Variants in ZNF391 observed in about 807,000 individuals in gnomAD.
The protein encoded by ZNF391 is zinc finger protein 391.
For missense variants in ZNF391, 375 were observed against 425.5 expected (o/e 0.88, Z 1.04); for synonymous variants, 126 against 142.1 (o/e 0.89, Z 0.80).
upstream of ZNF391, among the ~76,000 whole-genome samples, chr6:27,384,792 C>G (rs991595436): frequency 1.3e-5 from 2 of 152,044 alleles, no homozygotes; most frequent in African/African-American, 4.8e-5. Flanking sequence ...CCGAGGCAGG[C>G]AGACCACCTG....
At chr6:27,393,979 G>A (rs1364139240) in intron 1 of ZNF391, among the ~76,000 whole-genome samples, 4 of 152,120 alleles carry the variant, frequency 2.6e-5, no homozygotes, top group Non-Finnish European at 5.9e-5. Flanking sequence ...CAGTCTATCT[G>A]TCCTCAGATG....
At chr6:27,384,644 C>A (rs1761558788), upstream of ZNF391, among the ~76,000 whole-genome samples, 1 of 152,042 alleles carries the variant, frequency 6.6e-6, no homozygotes, top group African/African-American at 2.4e-5. Flanking sequence ...ATTACATATA[C>A]ACACACTGTT....
intron 1 of ZNF391, among the ~76,000 whole-genome samples, chr6:27,378,978 T>C (rs1314751129): frequency 6.6e-6 from 1 of 152,098 alleles, no homozygotes; most frequent in East Asian, 1.9e-4. Context: ...ATATGAATCA[T>C]AGATTCTACA....
At chr6:27,397,752 C>G (rs908183984) in intron 1 of ZNF391, among the ~76,000 whole-genome samples, 3 of 152,156 alleles carry the variant, frequency 2.0e-5, no homozygotes, top group South Asian at 2.1e-4. Flanking sequence ...GCCTCACCCC[C>G]CCAAGTAGCT....
chr6:27,380,568 A>G (rs746826029), intron 1 of ZNF391, among the ~76,000 whole-genome samples: 1 of 152,228 alleles, frequency 6.6e-6, no homozygotes, highest in African/African-American at 2.4e-5. Flanking sequence ...AGGGGTTGCC[A>G]CTGCTGGCTC....
upstream of ZNF391, among the ~76,000 whole-genome samples, chr6:27,384,642 T>TAC (rs1333423531): frequency 6.6e-6 from 1 of 152,168 alleles, no homozygotes; most frequent in African/African-American, 2.4e-5. Flanking sequence ...CAATTACATA[T>TAC]ACACACACTG....
chr6:27,380,273 T>C (rs1761477104), intron 1 of ZNF391, among the ~76,000 whole-genome samples: 1 of 151,948 alleles, frequency 6.6e-6, no homozygotes, highest in African/African-American at 2.4e-5. Context: ...TGGAGTTTGT[T>C]CCTTCTGATG....
intron 1 of ZNF391, among the ~76,000 whole-genome samples, chr6:27,383,536 A>G (rs1761539843): frequency 6.6e-6 from 1 of 152,182 alleles, no homozygotes; most frequent in Admixed American, 6.5e-5. Context: ...CAGGGTGACA[A>G]CATATTTGGA....
Position 27,400,674 on chromosome 6 carries a change from C to A in ZNF391, c.304C>A (p.Leu102Ile), listed in dbSNP as rs199734344. ...DNSDLIKHQRLFSQRKPCKCN... is the reference protein window; with the variant it reads ...DNSDLIKHQRIFSQRKPCKCN... ...TTCAGACTTAATTAAACACCAAAGA[C>A]TTTTCTCACAAAGAAAACCTTGTAA... The change falls in exon 3 of 3, where the codon CTT becomes ATT. Residue 102 changes from leucine to isoleucine, a missense_variant. By Grantham distance (5) the Leu-to-Ile change is conservative. Coordinates refer to ENST00000244576, the MANE Select transcript of ZNF391 (RefSeq NM_001076781.3). 1.8e-4 allele frequency: 292 copies of A among 1,613,806 alleles called. No homozygotes were observed. Among genetic ancestry groups the A allele is most frequent in the Middle Eastern group, 6.6e-4 (4 of 6,084 alleles).
intron 1 of ZNF391, among the ~76,000 whole-genome samples, chr6:27,380,977 C>T (rs1761491616): frequency 6.6e-6 from 1 of 152,268 alleles, no homozygotes. Flanking sequence ...CACGTCCCCA[C>T]CAGACTCAGG....
intron 2 of ZNF391, among the ~76,000 whole-genome samples, chr6:27,400,061 C>T (rs1400780634): frequency 6.6e-6 from 1 of 152,046 alleles, no homozygotes; most frequent in Non-Finnish European, 1.5e-5. Flanking sequence ...AGCATATTAC[C>T]CAATAACTCT....
chr6:27,401,178 A>T lies in ZNF391; in HGVS notation c.808A>T (p.Thr270Ser), dbSNP rs200755930. The stretch of plus-strand genomic sequence containing the variant: ...CTCATCGCTTACTGAACATCAGAGA[A>T]CACACACTGGGGAGAACCCCTATGA... ...WISSLTEHQR[T>S]HTGENPYECS... The change falls in exon 3 of 3, where the codon ACA (threonine) becomes TCA (serine). Residue 270 changes from threonine (T) to serine (S), a missense_variant. Thr to Ser is a moderately conservative substitution (Grantham distance 58). Coordinates refer to ENST00000244576, the MANE Select transcript of ZNF391 (RefSeq NM_001076781.3). 50 of 1,614,076 alleles carry T rather than the reference A, an allele frequency of 3.1e-5. No individual in the cohort carries two copies. Among genetic ancestry groups the T allele is most frequent in the Non-Finnish European group, 3.6e-5 (42 of 1,180,018 alleles).
intron 1 of ZNF391, among the ~76,000 whole-genome samples, chr6:27,397,692 CGA>C (rs1761858526): frequency 6.6e-6 from 1 of 152,096 alleles, no homozygotes. Context: ...TGCAGCGGTG[CGA>C]TCTCGGCTCA....
Position 27,400,738 on chromosome 6 carries a change from A to G in ZNF391, c.368A>G (p.Asp123Gly), listed in dbSNP as rs569442384. The change falls in exon 3 of 3, where the codon GAC becomes GGC. Residue 123 changes from aspartate to glycine, a missense_variant. Transcript: ENST00000244576. Reference sequence around the variant, plus strand: ...GAAAAAGCCTTTAGTTACCAATCAGACCTTCTTGTACACAGTAGAATTCAT... The same window carrying G: ...GAAAAAGCCTTTAGTTACCAATCAGGCCTTCTTGTACACAGTAGAATTCAT... Reference protein sequence around the residue: ...ECEKAFSYQSDLLVHSRIHGG... With the variant: ...ECEKAFSYQSGLLVHSRIHGG... 4.9e-5 allele frequency: 79 copies of G among 1,614,036 alleles called. No homozygotes were observed. In the South Asian group the frequency reaches 8.2e-4, roughly 17 times the overall value.
rs1561816966 is a variant in ZNF391, at chr6:27,403,635, A to G, written c.*2188A>G. ...TGGACTCTAGTTTTAATCTAAATACATAGGGTTTAATTTAGCAGCATAATC... is the reference window on the plus strand; with the variant it reads ...TGGACTCTAGTTTTAATCTAAATACGTAGGGTTTAATTTAGCAGCATAATC... On this transcript the variant is annotated 3_prime_UTR_variant, in exon 3 of 3. Coordinates refer to ENST00000244576, the MANE Select transcript of ZNF391 (RefSeq NM_001076781.3). The G allele has an allele frequency of 6.6e-6, 1 of 152,210 alleles. No individual in the cohort carries two copies. Among genetic ancestry groups the G allele is most frequent in the Non-Finnish European group, 1.5e-5 (1 of 68,046 alleles). 9.4% of individuals were successfully genotyped at this position (152,210 alleles called of 1,614,324 possible). A position where few individuals can be genotyped will look rare whatever the true frequency, so the allele number is the denominator to read the frequency against.
chr6:27,375,947 C>T (rs12374649), intron 1 of ZNF391, among the ~76,000 whole-genome samples: 7,827 of 152,148 alleles, frequency 0.051, 262 homozygotes, highest in Non-Finnish European at 0.072. Context: ...TAAATACCCC[C>T]TAGAGGATTC....
intron 1 of ZNF391, among the ~76,000 whole-genome samples, chr6:27,377,252 T>C (rs1372171752): frequency 6.6e-6 from 1 of 152,218 alleles, no homozygotes; most frequent in Non-Finnish European, 1.5e-5. Context: ...AAACCTCCTG[T>C]AGCTTCTCAT....
upstream of ZNF391, among the ~76,000 whole-genome samples, chr6:27,385,664 G>C (rs531942534): frequency 7.9e-5 from 12 of 152,246 alleles, no homozygotes; most frequent in South Asian, 1.7e-3. Flanking sequence ...CAAGAAGGAA[G>C]AGATGCATCT....
At chr6:27,396,159 C>A (rs181707255) in intron 1 of ZNF391, among the ~76,000 whole-genome samples, 1 of 152,228 alleles carries the variant, frequency 6.6e-6, no homozygotes, top group East Asian at 1.9e-4. Context: ...ATAGATAATA[C>A]TACCTACCTA....
Sources: gnomAD v4.1 joint callset for allele counts (sites outside exome capture counted in the v4.1 genomes callset) on GRCh38, gnomAD v4.1.1 for gene constraint, MANE v1.5 for transcripts, NCBI Gene and HGNC (gene_info 2026-07-23, HGNC 2026-07-21) for gene names.